TEAD2: variants seen among roughly 807,000 people sequenced by gnomAD.
TEAD2 encodes the protein transcriptional enhancer factor TEF-4.
Under a neutral mutation model 61.4 loss-of-function variants are expected in TEAD2, and 51 were observed. That is an observed-to-expected ratio of 0.83 (90% CI 0.66 to 1.05). The LOEUF (loss-of-function observed/expected upper bound fraction) is 1.05, where lower values mean the gene tolerates loss of function less well. Among genes scored for constraint, TEAD2 ranks in the 50% least tolerant of loss-of-function variants. TEAD2 has a pLI of 0.00. For missense variants in TEAD2, 509 were observed against 600.0 expected, an observed-to-expected ratio of 0.85 and a Z score of 1.58; for synonymous variants, 244 against 243.2, an observed-to-expected ratio of 1.00 and a Z score of -0.03.
intron 7 of TEAD2, among the ~76,000 whole-genome samples, chr19:49,353,130 G>C (rs1014002219): frequency 1.3e-5 from 2 of 148,314 alleles, no homozygotes; most frequent in Non-Finnish European, 3.0e-5. Flanking sequence ...ATAGAGTCTC[G>C]CTCTGTTGCC....
chr19:49,357,240 A>C lies in TEAD2; in HGVS notation c.360+12T>G, dbSNP rs1600774586. ...TCTGTCCCCCTCTCAGGATGTCTGC[A>C]TTGGTCCCTACCTTCAACTTGGACT... On this transcript the variant is annotated intron_variant, in intron 4 of 12. Coordinates refer to ENST00000593945, the MANE Select transcript of TEAD2 (RefSeq NM_001256660.2). 1 of 1,479,898 alleles carries C rather than the reference A, an allele frequency of 6.8e-7. No homozygotes were observed. Among genetic ancestry groups the C allele is most frequent in the Non-Finnish European group, 9.1e-7 (1 of 1,096,510 alleles). 91.7% of individuals were successfully genotyped at this position (1,479,898 alleles called of 1,614,324 possible).
intron 9 of TEAD2, among the ~76,000 whole-genome samples, chr19:49,348,054 TCTTGAC>T (rs1971763868): frequency 6.6e-6 from 1 of 152,114 alleles, no homozygotes. Flanking sequence ...TCCTGCACAA[TCTTGAC>T]TCTCTCCCTT....
intron 4 of TEAD2, among the ~76,000 whole-genome samples, chr19:49,356,503 T>C (rs1972410924): frequency 6.8e-6 from 1 of 146,496 alleles, no homozygotes; most frequent in Non-Finnish European, 1.5e-5. Flanking sequence ...AACCAGGAAA[T>C]CCAAAGGATG....
chr19:49,359,589 G>A lies in TEAD2; in HGVS notation c.233-90C>T. ...ACCAGGGAAGAAGAAAGCAGCATGG[G>A]TCCCCAAAGGTCTGCAGCAAGTGGG... On this transcript the variant is annotated intron_variant, in intron 2 of 12. Coordinates refer to ENST00000593945, the MANE Select transcript of TEAD2 (RefSeq NM_001256660.2). This position sits in a 1 kb window ranked among gnomAD's most constrained non-coding sequence, Gnocchi z 4.1. The A allele has an allele frequency of 2.1e-6, 3 of 1,444,620 alleles. No individual in the cohort carries two copies. The South Asian group carries it at 3.5e-5, about 17-fold the overall frequency. 89.5% of individuals were successfully genotyped at this position (1,444,620 alleles called of 1,614,324 possible). A position where few individuals can be genotyped will look rare whatever the true frequency, so the allele number is the denominator to read the frequency against.
At chr19:49,349,020 G>T in intron 8 of TEAD2, 175 bp from the exon 9 acceptor site, 1 of 673,452 alleles carries the variant, frequency 1.5e-6, no homozygotes, top group Non-Finnish European at 2.2e-6. Flanking sequence ...TGAGACGTTA[G>T]GGGAAATCTG....
intron 10 of TEAD2, among the ~76,000 whole-genome samples, chr19:49,344,116 G>C (rs1050351053): frequency 4.6e-5 from 7 of 151,392 alleles, no homozygotes; most frequent in African/African-American, 1.7e-4. Flanking sequence ...GAAAGTGCTG[G>C]GATTACAGGC....
At chr19:49,345,097 T>C (rs990063252) in intron 10 of TEAD2, among the ~76,000 whole-genome samples, 1 of 152,166 alleles carries the variant, frequency 6.6e-6, no homozygotes, top group Non-Finnish European at 1.5e-5. Context: ...GGGGTGGCTC[T>C]CCAGTCCTGG....
At chr19:49,348,892 A>AAT in intron 8 of TEAD2, 47 bp from the exon 9 acceptor site, 1 of 1,454,766 alleles carries the variant, frequency 6.9e-7, no homozygotes, top group Admixed American at 2.9e-5. Flanking sequence ...ACATTTATGG[A>AAT]ATATATCAGG....
intron 12 of TEAD2, among the ~76,000 whole-genome samples, chr19:49,342,102 G>C (rs1971313432): frequency 6.6e-6 from 1 of 152,104 alleles, no homozygotes; most frequent in African/African-American, 2.4e-5. Flanking sequence ...TGAGGCAGGA[G>C]AATCACTTGA....
chr19:49,360,167 T>C, intron 1 of TEAD2, 86 bp from the exon 2 acceptor site: 1 of 1,105,426 alleles, frequency 9.0e-7, no homozygotes. Flanking sequence ...TCTGGACCAC[T>C]GGGTCTGAGG....
chr19:49,348,811 G>T lies in TEAD2; in HGVS notation c.639C>A (p.Pro213=), dbSNP rs753802346. The stretch of plus-strand genomic sequence containing the variant: ...AGGCTGGGGGCGATGGGGTAGGTGG[G>T]GGCAGGGGTGAGAGGGCTTGGGGGG... ...YEPPQALSPL[P]PPTPSPPAWQ... The change falls in exon 9 of 13, where the codon CCC becomes CCA. Residue 213 remains proline (P), a synonymous_variant. Transcript: ENST00000593945. The T allele has an allele frequency of 1.2e-6, 2 of 1,601,760 alleles. No individual in the cohort carries two copies. The highest frequency in any genetic ancestry group is 2.7e-5 in the African/African-American group (2 of 74,028).
rs576811854 is a variant in TEAD2 at position 49,353,394 on chromosome 19, G to A, written c.539+1754C>T. Among the ~76,000 whole-genome samples the A allele has an allele frequency of 5.3e-5, 8 of 151,142 alleles. No homozygotes were observed. In the South Asian group the frequency reaches 6.3e-4, roughly 12 times the overall value. On this transcript the variant is annotated intron_variant, in intron 7 of 12. Coordinates refer to ENST00000593945, the MANE Select transcript of TEAD2 (RefSeq NM_001256660.2). ...GATTACAGATGCGGGCCACCATGCC[G>A]GGCCTCCCACTCCCATTCTTCACCT... is the stretch of plus-strand genomic sequence containing the variant.
chr19:49,342,285 T>C (rs1416664002), intron 12 of TEAD2, among the ~76,000 whole-genome samples, 153 bp downstream of exon 12: 1 of 151,846 alleles, frequency 6.6e-6, no homozygotes, highest in African/African-American at 2.4e-5. Context: ...GCTGCATCAG[T>C]TTCCTAGTTA....
intron 8 of TEAD2, among the ~76,000 whole-genome samples, chr19:49,351,042 G>A (rs1041567384): frequency 5.9e-5 from 9 of 152,094 alleles, no homozygotes; most frequent in African/African-American, 2.2e-4. Flanking sequence ...AGCCCGGCAT[G>A]GTGGCGGGCA....
At chr19:49,354,267 G>A (rs1012994018) in intron 7 of TEAD2, among the ~76,000 whole-genome samples, 1 of 151,818 alleles carries the variant, frequency 6.6e-6, no homozygotes, top group Admixed American at 6.6e-5. Flanking sequence ...ACTTTGGGAG[G>A]TCCAGGCAGG....
rs758542961 is a variant in TEAD2 at position 49,348,796 on chromosome 19, C to T, written c.654G>A (p.Ser218=). Reference sequence around the variant, plus strand: ...GGCCCCGAGCCTGCCAGGCTGGGGGCGATGGGGTAGGTGGGGGCAGGGGTG... The same window carrying T: ...GGCCCCGAGCCTGCCAGGCTGGGGGTGATGGGGTAGGTGGGGGCAGGGGTG... ...ALSPLPPPTP[S]PPAWQARGLG... is the part of the protein sequence containing the mutation. Residue 218 remains serine, a synonymous_variant, in exon 9 of 13, where the codon TCG becomes TCA. Coordinates refer to ENST00000593945, the MANE Select transcript of TEAD2 (RefSeq NM_001256660.2). 18 of 1,607,432 alleles carry T rather than the reference C, an allele frequency of 1.1e-5. No individual in the cohort carries two copies. The highest frequency in any genetic ancestry group is 1.4e-5 in the Non-Finnish European group (16 of 1,177,256).
In TEAD2 at chr19:49,360,101, A is replaced by G; in HGVS notation, c.-6-20T>C. On this transcript the variant is annotated intron_variant, in intron 1 of 12. Transcript: ENST00000593945. ...CTGGGCCTGGAGGAACACAGAACTC[A>G]GCAAGCTTCCCCCAAACCCCACCCT... The G allele has an allele frequency of 6.3e-7, 1 of 1,584,970 alleles. No homozygotes were observed. Among genetic ancestry groups the G allele is most frequent in the East Asian group, 2.2e-5 (1 of 44,742 alleles).
intron 1 of TEAD2, 83 bp downstream of exon 1, chr19:49,362,250 G>A (rs1324257331): frequency 1.3e-5 from 2 of 152,506 alleles, no homozygotes; most frequent in Non-Finnish European, 2.9e-5. Context: ...CGGGCAAAAA[G>A]AGGGCTGCGA....
intron 8 of TEAD2, 80 bp downstream of exon 8, chr19:49,351,221 T>C (rs557212903): frequency 4.1e-5 from 55 of 1,335,660 alleles, no homozygotes; most frequent in South Asian, 2.6e-4. Flanking sequence ...TATCCCTCAA[T>C]TGATGGAAGG....
Sources: gnomAD v4.1 joint callset for allele counts (sites outside exome capture counted in the v4.1 genomes callset) on GRCh38, gnomAD v4.1.1 for gene constraint, Gnocchi (gnomAD v3.1) non-coding constraint, MANE v1.5 for transcripts, NCBI Gene and HGNC (gene_info 2026-07-23, HGNC 2026-07-21) for gene names.